MYO1D: variants seen among roughly 807,000 people sequenced by gnomAD.
MYO1D encodes the protein unconventional myosin-Id.
Under a neutral mutation model 122.0 loss-of-function variants are expected in MYO1D, and 83 were observed. The ratio of observed to expected loss-of-function variants is 0.68; its 90% CI spans 0.57 to 0.82. The LOEUF (loss-of-function observed/expected upper bound fraction) is 0.82. Ranked by LOEUF, MYO1D falls within the 40% of genes least tolerant of loss-of-function variation. MYO1D has a pLI of 0.00. For missense variants in MYO1D, 1,157 were observed against 1,269.5 expected (o/e 0.91, Z 1.35); for synonymous variants, 464 against 446.9 (o/e 1.04, Z -0.48).
At chr17:32,833,405 T>TC (rs1183314037) in intron 1 of MYO1D, among the ~76,000 whole-genome samples, 3 of 152,224 alleles carry the variant, frequency 2.0e-5, no homozygotes, top group Admixed American at 1.3e-4. Flanking sequence ...TCTGCTGCGA[T>TC]CACCCAGGTC....
rs909273046 is a variant in MYO1D, at chr17:32,494,614, A to G, written c.*145T>C. The G allele has an allele frequency of 1.1e-5, 11 of 985,654 alleles. No individual in the cohort carries two copies. In the East Asian group the frequency reaches 1.9e-4, roughly 17 times the overall value. 61.1% of individuals were successfully genotyped at this position (985,654 alleles called of 1,614,324 possible). ...AAGATGATACCAAAGGCAGAAAACC[A>G]GGAAGGAAATCTTACAGGGGCGGGG... On this transcript the variant is annotated 3_prime_UTR_variant, in exon 22 of 22. Transcript: ENST00000318217.
In MYO1D at chr17:32,771,221, C is replaced by G. The variant is rs1567633986; in HGVS notation, c.619-1G>C. 1.3e-6 allele frequency: 2 copies of G among 1,592,568 alleles called. No individual in the cohort carries two copies. On this transcript the variant is annotated splice_acceptor_variant, in intron 5 of 21. Coordinates refer to ENST00000318217, the MANE Select transcript of MYO1D (RefSeq NM_015194.3). LOFTEE classifies it high-confidence loss of function. ...TTTGTTCTGAACCTCCTTGGAGTAG[C>G]TGAAAAATATTTAATTAGAAATAAA...
At chr17:32,698,713 A>G (rs2089206493) in intron 16 of MYO1D, among the ~76,000 whole-genome samples, 1 of 152,158 alleles carries the variant, frequency 6.6e-6, no homozygotes, top group Non-Finnish European at 1.5e-5. Flanking sequence ...ACTTATAATT[A>G]ACAGTTATTA....
intron 1 of MYO1D, among the ~76,000 whole-genome samples, chr17:32,789,412 A>C (rs916838115): frequency 6.6e-6 from 1 of 152,222 alleles, no homozygotes; most frequent in South Asian, 2.1e-4. Flanking sequence ...TCTGTCACAG[A>C]TGTGAGGTAT....
intron 3 of MYO1D, among the ~76,000 whole-genome samples, 196 bp downstream of exon 3, chr17:32,778,284 A>G (rs2090198615): frequency 2.6e-5 from 4 of 152,240 alleles, no homozygotes; most frequent in Admixed American, 2.0e-4. Context: ...ACAAATCTAG[A>G]AATGGATACA....
At chr17:32,612,708 AAAAAG>A (rs2087718230) in intron 20 of MYO1D, among the ~76,000 whole-genome samples, 2 of 151,608 alleles carry the variant, frequency 1.3e-5, no homozygotes, top group Non-Finnish European at 2.9e-5. Context: ...AAAAAAAAAA[AAAAAG>A]AAGAAGAAGA....
intron 16 of MYO1D, among the ~76,000 whole-genome samples, chr17:32,682,430 C>T (rs1433438534): frequency 6.8e-6 from 1 of 147,238 alleles, no homozygotes; most frequent in Non-Finnish European, 1.5e-5. Context: ...TTCAGGAGCT[C>T]TTTTAGGGCA....
chr17:32,527,880 CCAGGCTAGACTG>C (rs58632623), intron 21 of MYO1D, among the ~76,000 whole-genome samples: 16,261 of 150,020 alleles, frequency 0.11, 1,002 homozygotes, highest in South Asian at 0.23. Flanking sequence ...GCTCTGTCGC[CCAGGCTAGACTG>C]CAGTGGCACG....
chr17:32,667,411 T>C (rs932566398), intron 16 of MYO1D, among the ~76,000 whole-genome samples: 1 of 152,212 alleles, frequency 6.6e-6, no homozygotes, highest in Non-Finnish European at 1.5e-5. Context: ...GAAGAAAATA[T>C]AATCCAGTGA....
chr17:32,834,076 C>T (rs2151068522), intron 1 of MYO1D, among the ~76,000 whole-genome samples: 1 of 152,232 alleles, frequency 6.6e-6, no homozygotes. Flanking sequence ...ACTATTTTAC[C>T]TGTCAAGACA....
intron 11 of MYO1D, among the ~76,000 whole-genome samples, chr17:32,753,944 G>T (rs1027056105): frequency 2.6e-5 from 4 of 151,906 alleles, no homozygotes; most frequent in African/African-American, 9.7e-5. Context: ...AAAATATTTG[G>T]TTGACACATT....
chr17:32,780,613 C>T lies in MYO1D; in HGVS notation c.267G>A (p.Met89Ile). ...FAIADAAYKA[M>I]KRRSKDTCIV... ...TACAAGTGTCTTTTGATCGCCTCTT[C>T]ATAGCCTTGTAAGCAGCATCCGCAA... Residue 89 changes from methionine to isoleucine, a missense_variant, in exon 2 of 22, where the codon ATG becomes ATA. Coordinates refer to ENST00000318217, the MANE Select transcript of MYO1D (RefSeq NM_015194.3). The T allele has an allele frequency of 6.2e-7, 1 of 1,614,116 alleles. No individual in the cohort carries two copies. Among genetic ancestry groups the T allele is most frequent in the Non-Finnish European group, 8.5e-7 (1 of 1,180,018 alleles).
chr17:32,876,565 C>G (rs2091233004), intron 1 of MYO1D, among the ~76,000 whole-genome samples: 1 of 152,164 alleles, frequency 6.6e-6, no homozygotes, highest in African/African-American at 2.4e-5. Context: ...TCGACACGCC[C>G]CCCGCACCCC....
At chr17:32,561,020 T>C (rs2087120576) in intron 21 of MYO1D, among the ~76,000 whole-genome samples, 1 of 151,508 alleles carries the variant, frequency 6.6e-6, no homozygotes, top group South Asian at 2.1e-4. Context: ...CAAGTGATTC[T>C]CCTGCCTCAA....
At chr17:32,872,758 G>A (rs1386819290) in intron 1 of MYO1D, among the ~76,000 whole-genome samples, 13 of 148,368 alleles carry the variant, frequency 8.8e-5, no homozygotes, top group South Asian at 8.6e-4. Flanking sequence ...CTGCAGTGGC[G>A]CAATCTCGGC....
chr17:32,587,766 G>A (rs1023001915), intron 21 of MYO1D, among the ~76,000 whole-genome samples: 1 of 152,072 alleles, frequency 6.6e-6, no homozygotes, highest in Non-Finnish European at 1.5e-5. Context: ...CTGCTCTTCA[G>A]CCTCCCTTCC....
intron 1 of MYO1D, among the ~76,000 whole-genome samples, chr17:32,799,814 T>C (rs2090445909): frequency 6.6e-6 from 1 of 152,026 alleles, no homozygotes; most frequent in Non-Finnish European, 1.5e-5. Flanking sequence ...GGGGCTAATA[T>C]CCATAATATA....
chr17:32,750,741 A>C (rs2089890655), intron 11 of MYO1D, among the ~76,000 whole-genome samples: 1 of 152,234 alleles, frequency 6.6e-6, no homozygotes, highest in South Asian at 2.1e-4. Flanking sequence ...CAAGTGAATA[A>C]TTACAGGAAA....
At chr17:32,648,075 G>A (rs750726966) in intron 19 of MYO1D, among the ~76,000 whole-genome samples, 127 of 152,086 alleles carry the variant, frequency 8.4e-4, no homozygotes, top group Non-Finnish European at 1.5e-3. Context: ...TTAGCCAGGC[G>A]TGGTGATGTG....
Sources: allele counts gnomAD v4.1 joint callset (sites outside exome capture counted in the v4.1 genomes callset), GRCh38; gene constraint gnomAD v4.1.1; transcripts MANE v1.5; gene names NCBI Gene and HGNC (gene_info 2026-07-23, HGNC 2026-07-21).